The following CNNM2 variants were observed in gnomAD, a reference collection of about 807,000 sequenced individuals.
CNNM2 encodes metal transporter CNNM2.
Under a neutral mutation model 66.9 loss-of-function variants are expected in CNNM2, and 12 were observed. That is an observed-to-expected ratio of 0.18 (90% CI 0.11 to 0.29). The LOEUF (loss-of-function observed/expected upper bound fraction) is 0.29, where lower values mean the gene tolerates loss of function less well. Among genes scored for constraint, CNNM2 ranks in the 10% least tolerant of loss-of-function variants. The pLI is 1.00. For missense variants in CNNM2, 705 were observed against 1,167.7 expected (o/e 0.60, Z 5.77); for synonymous variants, 557 against 501.8 (o/e 1.11, Z -1.47).
chr10:102,927,626 G>C (rs562988059), intron 1 of CNNM2: 1 of 518,648 alleles, frequency 1.9e-6, no homozygotes, highest in African/African-American at 1.9e-5. Flanking sequence ...TTAGCTGTGC[G>C]TGGTGGTGGG....
chr10:103,005,106 G>A (rs1414413605), intron 1 of CNNM2, among the ~76,000 whole-genome samples: 1 of 151,804 alleles, frequency 6.6e-6, no homozygotes, highest in African/African-American at 2.4e-5. Context: ...GTAGAGACGG[G>A]GTTTTTCCCT....
intron 1 of CNNM2, among the ~76,000 whole-genome samples, chr10:102,952,303 G>A (rs192950160): frequency 1.3e-3 from 200 of 152,044 alleles, no homozygotes; most frequent in Non-Finnish European, 2.4e-3. Context: ...AGTGGCTCAC[G>A]CCTGTAATCC....
Position 103,079,377 on chromosome 10 carries a change from C to T in CNNM2, c.*2197C>T, listed in dbSNP as rs1186557112. On this transcript the variant is annotated 3_prime_UTR_variant, in exon 8 of 8. Transcript: ENST00000369878. ...CCCAGCTTCTCTGGCCTCAGGAACT[C>T]TGCCCTGTCAACCTATCTGGGCTCA... 2.0e-5 allele frequency: 3 copies of T among 152,370 alleles called. No homozygotes were observed. Among genetic ancestry groups the T allele is most frequent in the Non-Finnish European group, 2.9e-5 (2 of 68,168 alleles). 9.4% of individuals were successfully genotyped at this position (152,370 alleles called of 1,614,324 possible).
intron 1 of CNNM2, among the ~76,000 whole-genome samples, chr10:102,999,377 C>T (rs974146642): frequency 6.6e-6 from 1 of 151,542 alleles, no homozygotes; most frequent in Non-Finnish European, 1.5e-5. Context: ...CCACTGCACC[C>T]GGCCAAAAAT....
intron 1 of CNNM2, among the ~76,000 whole-genome samples, chr10:103,016,909 G>T (rs1037647465): frequency 2.0e-5 from 3 of 151,786 alleles, no homozygotes; most frequent in African/African-American, 7.3e-5. Flanking sequence ...CCATCCAAAA[G>T]CCCCAATCTC....
intron 1 of CNNM2, among the ~76,000 whole-genome samples, chr10:102,977,949 G>A (rs974527042): frequency 1.3e-5 from 2 of 152,008 alleles, no homozygotes; most frequent in African/African-American, 4.8e-5. Flanking sequence ...TTGCTCTGTT[G>A]CCCAGGCTGG....
chr10:102,921,207 T>C, intron 1 of CNNM2: 2 of 229,516 alleles, frequency 8.7e-6, no homozygotes, highest in Non-Finnish European at 1.4e-5. Context: ...AGTTTTTGAA[T>C]TATTAAGATG....
intron 1 of CNNM2, among the ~76,000 whole-genome samples, chr10:103,017,422 A>G (rs965492297): frequency 3.3e-5 from 5 of 152,142 alleles, no homozygotes; most frequent in African/African-American, 1.2e-4. Context: ...ATAAATATGA[A>G]CCAAAACATC....
chr10:103,015,169 A>C (rs922475850), intron 1 of CNNM2, among the ~76,000 whole-genome samples: 3 of 152,172 alleles, frequency 2.0e-5, no homozygotes, highest in Non-Finnish European at 4.4e-5. Context: ...AGGGGTTACA[A>C]ATTTACCCAA....
rs72850126 is a variant in CNNM2 at position 103,036,077 on chromosome 10, T to C, written c.1622-13630T>C. Among the ~76,000 whole-genome samples, 7,503 of 152,216 alleles carry C rather than the reference T, an allele frequency of 0.049. 188 individuals are homozygous for C. The highest frequency in any genetic ancestry group is 0.057 in the Non-Finnish European group (3,874 of 67,998). ...GCTTTCTGTTAATCCCTTTGTGGTA[T>C]AGATCCTGAGTCTATCAGTCAGGAT... On this transcript the variant is annotated intron_variant, in intron 1 of 7. Transcript: ENST00000369878.
chr10:102,942,188 T>TA (rs1243768842), intron 1 of CNNM2, among the ~76,000 whole-genome samples: 1 of 152,234 alleles, frequency 6.6e-6, no homozygotes, highest in Non-Finnish European at 1.5e-5. Context: ...AAATATAACA[T>TA]AAAAATTACC....
intron 1 of CNNM2, among the ~76,000 whole-genome samples, chr10:102,990,423 G>T (rs2063879305): frequency 6.6e-6 from 1 of 152,188 alleles, no homozygotes; most frequent in South Asian, 2.1e-4. Flanking sequence ...AGTGTGGAAT[G>T]GCTAAGGTTA....
At chr10:102,978,076 A>C (rs1406893032) in intron 1 of CNNM2, among the ~76,000 whole-genome samples, 1 of 151,736 alleles carries the variant, frequency 6.6e-6, no homozygotes, top group Non-Finnish European at 1.5e-5. Flanking sequence ...CGCCTGGCTA[A>C]CTTTTTGTAT....
chr10:103,051,809 A>G (rs1404977979), intron 2 of CNNM2, among the ~76,000 whole-genome samples: 1 of 152,188 alleles, frequency 6.6e-6, no homozygotes, highest in Non-Finnish European at 1.5e-5. Flanking sequence ...TTAACTAACG[A>G]CTATTTTCTG....
chr10:103,010,041 A>G (rs2064310758), intron 1 of CNNM2, among the ~76,000 whole-genome samples: 1 of 152,168 alleles, frequency 6.6e-6, no homozygotes. Context: ...TAATGGTAGA[A>G]ACATTTAGAG....
intron 1 of CNNM2, among the ~76,000 whole-genome samples, chr10:102,981,948 C>G (rs1347302877): frequency 1.3e-5 from 2 of 151,724 alleles, no homozygotes; most frequent in Non-Finnish European, 2.9e-5. Flanking sequence ...GACCAGTGGT[C>G]TAGCCAAGGT....
intron 1 of CNNM2, among the ~76,000 whole-genome samples, chr10:102,989,900 G>A (rs965797261): frequency 3.3e-5 from 5 of 151,734 alleles, no homozygotes; most frequent in Admixed American, 6.6e-5. Context: ...TGTACAAAAG[G>A]TATAATATAA....
At chr10:103,037,230 G>A (rs1180993911) in intron 1 of CNNM2, among the ~76,000 whole-genome samples, 1 of 148,808 alleles carries the variant, frequency 6.7e-6, no homozygotes, top group African/African-American at 2.4e-5. Context: ...TTAGCCCTGT[G>A]TTGGGAATTA....
At chr10:103,008,403 G>C (rs181807464) in intron 1 of CNNM2, among the ~76,000 whole-genome samples, 167 of 152,318 alleles carry the variant, frequency 1.1e-3, no homozygotes, top group Non-Finnish European at 1.5e-3. Flanking sequence ...TTGTATACTT[G>C]AGAAGCCACC....
Sources: allele counts gnomAD v4.1 joint callset (sites outside exome capture counted in the v4.1 genomes callset), GRCh38; gene constraint gnomAD v4.1.1; transcripts MANE v1.5; gene names NCBI Gene and HGNC (gene_info 2026-07-23, HGNC 2026-07-21).